Variants in INTS6 observed in about 807,000 individuals in gnomAD.
INTS6 encodes the protein integrator complex subunit 6, also known as DEAD box protein.
A neutral mutation model predicts 104.9 loss-of-function variants in INTS6; 16 were observed. That is an observed-to-expected ratio of 0.15 (90% confidence interval 0.10 to 0.23). The LOEUF is 0.23. Ranked by LOEUF, INTS6 falls within the 10% of genes least tolerant of loss-of-function variation. INTS6 has a pLI of 1.00. For synonymous variants in INTS6, 324 were observed against 358.7 expected, an observed-to-expected ratio of 0.90 and a Z score of 1.09; for missense variants, 584 against 1,062.8, an observed-to-expected ratio of 0.55 and a Z score of 6.26.
Position 51,363,726 on chromosome 13 carries a change from C to A in INTS6, c.*2026G>T, listed in dbSNP as rs1049461089. ...AGCCTGAGGGAGATGAGATATTAAC[C>A]TTTAGTTCTGATAGGTTTCAAACCC... On this transcript the variant is annotated 3_prime_UTR_variant, in exon 18 of 18. Coordinates refer to ENST00000311234, the MANE Select transcript of INTS6 (RefSeq NM_012141.3). 2.0e-5 allele frequency: 3 copies of A among 151,370 alleles called. No homozygotes were observed. The highest frequency in any genetic ancestry group is 7.3e-5 in the African/African-American group (3 of 41,206). The allele number at this position is 151,370 out of a possible 1,614,324, so 9.4% of individuals were successfully genotyped here.
intron 4 of INTS6, among the ~76,000 whole-genome samples, chr13:51,396,303 T>G (rs532285264): frequency 1.3e-5 from 2 of 152,334 alleles, no homozygotes; most frequent in East Asian, 3.9e-4. Flanking sequence ...AATTACATTT[T>G]AAATGTAGTG....
At chr13:51,420,646 AACAG>A (rs1280458929) in intron 4 of INTS6, among the ~76,000 whole-genome samples, 1 of 152,130 alleles carries the variant, frequency 6.6e-6, no homozygotes, top group Non-Finnish European at 1.5e-5. Flanking sequence ...AGGTTATTAT[AACAG>A]ACAAAGCAAA....
At chr13:51,378,044 A>G (rs1241235025) in intron 12 of INTS6, among the ~76,000 whole-genome samples, 195 bp downstream of exon 12, 2 of 152,080 alleles carry the variant, frequency 1.3e-5, no homozygotes, top group African/African-American at 2.4e-5. Context: ...CTCTTCATCA[A>G]TCTATCCATT....
chr13:51,452,194 A>T lies in INTS6; in HGVS notation c.112-139T>A. 1.2e-6 allele frequency: 1 copy of T among 803,566 alleles called. No homozygotes were observed. Among genetic ancestry groups the T allele is most frequent in the Non-Finnish European group, 1.9e-6 (1 of 534,062 alleles). 49.8% of individuals were successfully genotyped at this position (803,566 alleles called of 1,614,324 possible). Reference sequence around the variant, plus strand: ...CGGCCACCCCTCCACGCCGTCCCCCACACACAGATCGCTCCCCACACACCG... The same window carrying T: ...CGGCCACCCCTCCACGCCGTCCCCCTCACACAGATCGCTCCCCACACACCG... On this transcript the variant is annotated intron_variant, in intron 1 of 17. Transcript: ENST00000311234. The surrounding 1 kb of genome is among the most constrained non-coding windows in gnomAD (Gnocchi z 4.2).
intron 4 of INTS6, among the ~76,000 whole-genome samples, chr13:51,425,796 T>C (rs1956974354): frequency 6.6e-6 from 1 of 152,082 alleles, no homozygotes; most frequent in Non-Finnish European, 1.5e-5. Flanking sequence ...ATATCAGTTA[T>C]ATAACATGAC....
In INTS6 at chr13:51,375,734, G is replaced by GT. The variant is rs142921391; in HGVS notation, c.1729+313_1729+314insA. Among the ~76,000 whole-genome samples the GT allele has an allele frequency of 2.9e-3, 421 of 147,682 alleles. 3 individuals are homozygous for GT. Among genetic ancestry groups the GT allele is most frequent in the Non-Finnish European group, 3.1e-3 (204 of 66,164 alleles). On this transcript the variant is annotated intron_variant, in intron 13 of 17. Transcript: ENST00000311234. The stretch of plus-strand genomic sequence containing the variant: ...TTTTAAGTATACAGTTTGATAAGTG[G>GT]GTGTGTGTGTGTGTGTGTGTGTGTG...
chr13:51,412,428 T>C (rs146247807), intron 4 of INTS6, among the ~76,000 whole-genome samples: 2 of 152,210 alleles, frequency 1.3e-5, no homozygotes, highest in Admixed American at 1.3e-4. Flanking sequence ...ATCTAGTGTC[T>C]TATATTGTAC....
chr13:51,356,427 C>T (rs1266521745), intron 3 of INTS6, among the ~76,000 whole-genome samples: 1 of 152,120 alleles, frequency 6.6e-6, no homozygotes, highest in African/African-American at 2.4e-5. Flanking sequence ...AAAATCTAAC[C>T]AGTGTCTTCT....
rs1294078369 is a variant in INTS6 at position 51,369,247 on chromosome 13, A to C, written c.2168T>G (p.Leu723Arg). 1 of 1,613,586 alleles carries C rather than the reference A, an allele frequency of 6.2e-7. No homozygotes were observed. Among genetic ancestry groups the C allele is most frequent in the African/African-American group, 1.3e-5 (1 of 74,898 alleles). Residue 723 changes from leucine to arginine, a missense_variant, in exon 16 of 18, where the codon CTT becomes CGT. Leu to Arg is a moderately radical substitution (Grantham distance 102, BLOSUM62 -2). Around this residue, in one of 5 missense-constraint regions of INTS6, gnomAD observed 296 missense variants for 437.0 expected, o/e 0.68. Coordinates refer to ENST00000311234, the MANE Select transcript of INTS6 (RefSeq NM_012141.3). ...DVVENHVADQ[L>R]SSDITPNAMD... ...AGCATTTGGTGTAATGTCTGATGAAAGTTGGTCTGCAACATGATTTTCAAC... is the reference window on the plus strand; with the variant it reads ...AGCATTTGGTGTAATGTCTGATGAACGTTGGTCTGCAACATGATTTTCAAC...
intron 5 of INTS6, among the ~76,000 whole-genome samples, chr13:51,391,583 C>T (rs1248390749): frequency 6.6e-6 from 1 of 152,112 alleles, no homozygotes; most frequent in Non-Finnish European, 1.5e-5. Flanking sequence ...TGTGCTAATG[C>T]ATAAAGTTTC....
chr13:51,422,885 A>G, intron 4 of INTS6: 1 of 332,056 alleles, frequency 3.0e-6, no homozygotes, highest in Non-Finnish European at 5.6e-6. Flanking sequence ...GCTTTTGCAT[A>G]CTGTTTTCTC....
chr13:51,340,382 T>C, the INTS6 span, among the ~76,000 whole-genome samples: 1 of 152,244 alleles, frequency 6.6e-6, no homozygotes, highest in Non-Finnish European at 1.5e-5. Context: ...TATTCTTTTT[T>C]AGAGACTAAT....
chr13:51,387,277 A>T, intron 7 of INTS6, 109 bp downstream of exon 7: 8 of 946,168 alleles, frequency 8.5e-6, no homozygotes, highest in Non-Finnish European at 1.2e-5. Context: ...CACTTTGAAC[A>T]TCTGTCTAAT....
the INTS6 span, among the ~76,000 whole-genome samples, chr13:51,345,079 G>A: frequency 3.3e-5 from 5 of 152,272 alleles, no homozygotes; most frequent in East Asian, 1.9e-4. Context: ...AATCATGAAC[G>A]TTTACTGAGT....
chr13:51,394,797 T>C (rs1212669885), intron 5 of INTS6, among the ~76,000 whole-genome samples: 1 of 152,212 alleles, frequency 6.6e-6, no homozygotes, highest in Non-Finnish European at 1.5e-5. Context: ...TTTCAAGATT[T>C]TCCTTGATGT....
rs1196678647 is a variant in INTS6 at position 51,378,407 on chromosome 13, T to G, written c.1434A>C (p.Val478=). 6.2e-7 allele frequency: 1 copy of G among 1,613,434 alleles called. No homozygotes were observed. Residue 478 remains valine, a synonymous_variant, in exon 12 of 18, where the codon GTA becomes GTC. Transcript: ENST00000311234. Reference sequence around the variant, plus strand: ...GGACTTTTATTCCAGTCTCCTGTACTACTTTTTTGCCTACAGATCCAATGA... The same window carrying G: ...GGACTTTTATTCCAGTCTCCTGTACGACTTTTTTGCCTACAGATCCAATGA... ...DRVIGSVGKK[V]VQETGIKVRS... is the part of the protein sequence containing the mutation.
chr13:51,435,928 C>T (rs1464700383), intron 3 of INTS6, among the ~76,000 whole-genome samples: 1 of 151,890 alleles, frequency 6.6e-6, no homozygotes, highest in African/African-American at 2.4e-5. Flanking sequence ...TCAATAAAGG[C>T]CTAACATGCT....
At chr13:51,443,559 A>G (rs993886819) in intron 3 of INTS6, 7 of 152,320 alleles carry the variant, frequency 4.6e-5, no homozygotes, top group African/African-American at 1.7e-4. Context: ...AAGTTTATAT[A>G]AGGAAATTAC....
Position 51,374,243 on chromosome 13 carries a change from T to C in INTS6, c.2069A>G (p.Gln690Arg), listed in dbSNP as rs758083777. 3.1e-6 allele frequency: 5 copies of C among 1,614,074 alleles called. No homozygotes were observed. Among genetic ancestry groups the C allele is most frequent in the Non-Finnish European group, 4.2e-6 (5 of 1,179,934 alleles). Residue 690 changes from glutamine (Q) to arginine (R), a missense_variant, in exon 15 of 18, where the codon CAG becomes CGG. Coordinates refer to ENST00000311234, the MANE Select transcript of INTS6 (RefSeq NM_012141.3). ...AGGAAGAGGTTTAATAAGATCTGGC[T>C]GTGCTTGAGTTGTAGGTGCAGGTGG... Reference protein sequence around the residue: ...KGPPAPTTQAQPDLIKPLPLH... With the variant: ...KGPPAPTTQARPDLIKPLPLH...
Sources: allele counts gnomAD v4.1 joint callset (sites outside exome capture counted in the v4.1 genomes callset), GRCh38; gene constraint gnomAD v4.1.1; regional missense constraint gnomAD v4.1.1; non-coding constraint Gnocchi (gnomAD v3.1); transcripts MANE v1.5; gene names NCBI Gene and HGNC (gene_info 2026-07-23, HGNC 2026-07-21).